CAGE1: variants seen among roughly 807,000 people sequenced by gnomAD.
CAGE1 encodes the protein cancer antigen 1, also known as cancer-associated gene 1 protein.
In CAGE1, 66 loss-of-function variants were observed where a neutral mutation model predicts 94.9. The ratio of observed to expected loss-of-function variants is 0.70; its 90% CI spans 0.57 to 0.85. The LOEUF (loss-of-function observed/expected upper bound fraction) is 0.85. Ranked by LOEUF, CAGE1 falls within the 40% of genes least tolerant of loss-of-function variation. The pLI, the probability that CAGE1 is intolerant of heterozygous loss-of-function variation, is 0.00. For synonymous variants in CAGE1, 319 were observed against 321.0 expected, an observed-to-expected ratio of 0.99 and a Z score of 0.07; for missense variants, 865 against 950.4, an observed-to-expected ratio of 0.91 and a Z score of 1.18.
intron 9 of CAGE1, among the ~76,000 whole-genome samples, chr6:7,365,126 C>A (rs1760282950): frequency 6.6e-6 from 1 of 152,120 alleles, no homozygotes; most frequent in Non-Finnish European, 1.5e-5. Flanking sequence ...CTGAAGCATA[C>A]CTTAACCATG....
At chr6:7,358,599 G>A (rs1760062007) in intron 9 of CAGE1, among the ~76,000 whole-genome samples, 1 of 152,136 alleles carries the variant, frequency 6.6e-6, no homozygotes, top group South Asian at 2.1e-4. Flanking sequence ...CCAGTGCTTT[G>A]GGAGACGGAG....
intron 11 of CAGE1, among the ~76,000 whole-genome samples, chr6:7,345,134 GCTTTTAGGAGCTAGGTCCATA>G (rs1561851664): frequency 4.8e-5 from 2 of 41,874 alleles, no homozygotes; most frequent in Non-Finnish European, 8.7e-5. Flanking sequence ...GATCCATATT[GCTTTTAGGAGCTAGGTCCATA>G]TTGCTTTTAG....
intron 11 of CAGE1, chr6:7,341,603 C>T (rs879294): frequency 0.34 from 298,252 of 875,152 alleles, 58,534 homozygotes; most frequent in African/African-American, 0.78. Context: ...AACTTGTCCA[C>T]AGCAAGGTGG....
chr6:7,358,043 T>G lies in CAGE1; in HGVS notation c.2194-1914A>C, dbSNP rs1334124734. Among the ~76,000 whole-genome samples the G allele has an allele frequency of 4.9e-4, 56 of 113,636 alleles. 5 individuals are homozygous for G. The highest frequency in any genetic ancestry group is 3.3e-3 in the South Asian group (10 of 3,044). 74.5% of individuals were successfully genotyped at this position (113,636 alleles called of 152,430 possible). On this transcript the variant is annotated intron_variant, in intron 9 of 13. Coordinates refer to ENST00000502583, the MANE Select transcript of CAGE1 (RefSeq NM_001170692.2). ...AAGTTTTGAGATATATATATATATATATATATATATATATATATATATATA... is the reference window on the plus strand; with the variant it reads ...AAGTTTTGAGATATATATATATATAGATATATATATATATATATATATATA...
chr6:7,328,684 C>A (rs1758615009), intron 13 of CAGE1, among the ~76,000 whole-genome samples: 1 of 152,054 alleles, frequency 6.6e-6, no homozygotes, highest in South Asian at 2.1e-4. Flanking sequence ...TCCCAGTGTT[C>A]TGTAACACTG....
At chr6:7,329,588 C>T (rs1402122742) in intron 13 of CAGE1, among the ~76,000 whole-genome samples, 2 of 152,132 alleles carry the variant, frequency 1.3e-5, no homozygotes, top group African/African-American at 4.8e-5. Context: ...GTGAGTGCAA[C>T]AGGTCATATG....
chr6:7,387,944 G>A (rs1234311885), intron 1 of CAGE1, among the ~76,000 whole-genome samples: 2 of 147,436 alleles, frequency 1.4e-5, no homozygotes, highest in South Asian at 4.3e-4. Context: ...TGAGGGAGGA[G>A]AATGGCGTGA....
At chr6:7,365,630 C>T (rs1445744707) in intron 8 of CAGE1, 55 bp from the exon 9 acceptor site, 2 of 1,534,624 alleles carry the variant, frequency 1.3e-6, no homozygotes, top group African/African-American at 1.4e-5. Context: ...CCTTGGAATA[C>T]CTGACAATAA....
At chr6:7,335,990 A>C (rs1758940829) in intron 11 of CAGE1, among the ~76,000 whole-genome samples, 1 of 152,244 alleles carries the variant, frequency 6.6e-6, no homozygotes, top group Non-Finnish European at 1.5e-5. Context: ...TGGACAAAAC[A>C]CATATACCCT....
intron 3 of CAGE1, among the ~76,000 whole-genome samples, chr6:7,382,613 T>C (rs1033259033): frequency 6.6e-6 from 1 of 150,382 alleles, no homozygotes; most frequent in African/African-American, 2.4e-5. Context: ...GCATTTCTCA[T>C]GTCTTAAGAA....
At chr6:7,342,886 C>T (rs944194757) in intron 11 of CAGE1, among the ~76,000 whole-genome samples, 1 of 151,452 alleles carries the variant, frequency 6.6e-6, no homozygotes, top group African/African-American at 2.5e-5. Context: ...ATTATCCCAG[C>T]ACCATTTGTT....
At chr6:7,347,579 C>T (rs1248697996) in intron 11 of CAGE1, 2 of 148,410 alleles carry the variant, frequency 1.3e-5, no homozygotes, top group Non-Finnish European at 1.5e-5. Flanking sequence ...CTGGCCAGAA[C>T]GTGGGGGAGG....
chr6:7,357,185 T>G (rs759872477), intron 9 of CAGE1, among the ~76,000 whole-genome samples: 99 of 152,332 alleles, frequency 6.5e-4, no homozygotes, highest in Non-Finnish European at 1.2e-3. Context: ...ATAGCAACTT[T>G]CTTTCTCTTA....
chr6:7,330,930 A>G (rs1211926719), intron 12 of CAGE1, among the ~76,000 whole-genome samples: 2 of 152,194 alleles, frequency 1.3e-5, no homozygotes, highest in African/African-American at 2.4e-5. Flanking sequence ...AAATTTTCTT[A>G]TTTTAAAATA....
chr6:7,338,762 G>C, intron 11 of CAGE1: 1 of 622,496 alleles, frequency 1.6e-6, no homozygotes, highest in Non-Finnish European at 2.8e-6. Flanking sequence ...TTTTTTTTCT[G>C]TCTTTGTACA....
chr6:7,360,724 A>G (rs1381477509), intron 9 of CAGE1, among the ~76,000 whole-genome samples: 1 of 152,120 alleles, frequency 6.6e-6, no homozygotes, highest in African/African-American at 2.4e-5. Context: ...CGGGTGAATC[A>G]CCTGAGGTCA....
At chr6:7,340,879 T>C (rs1555769) in intron 11 of CAGE1, 206,786 of 424,802 alleles carry the variant, frequency 0.49, 54,883 homozygotes, top group African/African-American at 0.84. Context: ...AGAACTGATG[T>C]ATGGCCAATT....
chr6:7,360,957 CA>C (rs1413548486), intron 9 of CAGE1, among the ~76,000 whole-genome samples: 1 of 151,882 alleles, frequency 6.6e-6, no homozygotes, highest in Admixed American at 6.6e-5. Flanking sequence ...AAAAAACAAA[CA>C]AACAAATACA....
At position 7,373,637 on chromosome 6, in the gene CAGE1, T is replaced by C. The variant is rs1015134407; in HGVS notation, c.1182A>G (p.Lys394=). 8 of 1,613,132 alleles carry C rather than the reference T, an allele frequency of 5.0e-6. No individual in the cohort carries two copies. The highest frequency in any genetic ancestry group is 6.8e-6 in the Non-Finnish European group (8 of 1,179,708). ...NLEEVLANTQ[K]HLQESRNDKE... is the part of the protein sequence containing the mutation. Reference sequence around the variant, plus strand: ...TGTCATTCCTGGATTCCTGAAGATGTTTTTGCGTGTTAGCTAAAACCTCTT... The same window carrying C: ...TGTCATTCCTGGATTCCTGAAGATGCTTTTGCGTGTTAGCTAAAACCTCTT... The change falls in exon 5 of 14, where the codon AAA becomes AAG. Residue 394 remains lysine (K), a synonymous_variant. Coordinates refer to ENST00000502583, the MANE Select transcript of CAGE1 (RefSeq NM_001170692.2).
Sources: allele counts gnomAD v4.1 joint callset (sites outside exome capture counted in the v4.1 genomes callset), GRCh38; gene constraint gnomAD v4.1.1; transcripts MANE v1.5; gene names NCBI Gene and HGNC (gene_info 2026-07-23, HGNC 2026-07-21).